NKAIN3: variants seen among roughly 807,000 people sequenced by gnomAD.
The protein encoded by NKAIN3 is sodium/potassium transporting ATPase interacting 3, also known as sodium/potassium-transporting ATPase subunit beta-1-interacting protein 3.
Under a neutral mutation model 30.2 loss-of-function variants are expected in NKAIN3, and 25 were observed. The observed-to-expected ratio is 0.83, with a 90% CI of 0.60 to 1.16. The LOEUF (loss-of-function observed/expected upper bound fraction) is 1.16, where lower values mean the gene tolerates loss of function less well. Ranked by LOEUF, NKAIN3 falls within the 50% of genes most tolerant of loss-of-function variation. NKAIN3 has a pLI of 0.00. For synonymous variants in NKAIN3, 91 were observed against 89.6 expected, an observed-to-expected ratio of 1.02 and a Z score of -0.09; for missense variants, 225 against 254.1, an observed-to-expected ratio of 0.89 and a Z score of 0.78.
intron 4 of NKAIN3, among the ~76,000 whole-genome samples, chr8:62,820,679 G>A (rs1426192889): frequency 6.6e-6 from 1 of 152,126 alleles, no homozygotes; most frequent in African/African-American, 2.4e-5. Context: ...CTTGTAGGCT[G>A]AAAGAGTAAT....
chr8:62,831,080 T>G (rs1819182133), intron 4 of NKAIN3, among the ~76,000 whole-genome samples: 1 of 152,144 alleles, frequency 6.6e-6, no homozygotes, highest in East Asian at 1.9e-4. Context: ...CTTACCCATA[T>G]GCGCCATCAG....
chr8:62,260,974 C>T (rs1055675890), intron 1 of NKAIN3, among the ~76,000 whole-genome samples: 3 of 152,136 alleles, frequency 2.0e-5, no homozygotes, highest in Non-Finnish European at 4.4e-5. Flanking sequence ...AATTGTACAT[C>T]CAGTGACATC....
chr8:62,856,996 A>G, intron 4 of NKAIN3: 1 of 525,958 alleles, frequency 1.9e-6, no homozygotes, highest in Non-Finnish European at 3.7e-6. Flanking sequence ...CTGAATACTT[A>G]TAGTCTCCAC....
At chr8:62,454,125 A>G (rs1340614690) in intron 1 of NKAIN3, among the ~76,000 whole-genome samples, 1 of 151,852 alleles carries the variant, frequency 6.6e-6, no homozygotes, top group African/African-American at 2.4e-5. Context: ...CTTAGCCAAT[A>G]GGTTCCAAAC....
intron 3 of NKAIN3, among the ~76,000 whole-genome samples, chr8:62,670,413 A>G (rs1813263363): frequency 6.6e-6 from 1 of 152,164 alleles, no homozygotes; most frequent in South Asian, 2.1e-4. Context: ...TGAGATATAC[A>G]TTTCTTGACC....
intron 1 of NKAIN3, among the ~76,000 whole-genome samples, chr8:62,329,742 G>T (rs1182484368): frequency 6.6e-6 from 1 of 152,018 alleles, no homozygotes; most frequent in Non-Finnish European, 1.5e-5. Flanking sequence ...GTCCACTGTT[G>T]ATGGACACTT....
At chr8:62,254,619 T>G (rs1209589121) in intron 1 of NKAIN3, among the ~76,000 whole-genome samples, 5 of 100,028 alleles carry the variant, frequency 5.0e-5, no homozygotes, top group Non-Finnish European at 1.1e-4. Flanking sequence ...TATCAAATTA[T>G]ATCTTTTGAT....
chr8:62,275,962 A>G (rs1055512822), intron 1 of NKAIN3, among the ~76,000 whole-genome samples: 3 of 152,098 alleles, frequency 2.0e-5, no homozygotes, highest in African/African-American at 7.2e-5. Flanking sequence ...TTTTTGGTTT[A>G]ATAATACCCA....
chr8:62,784,614 A>G (rs1434992397), intron 4 of NKAIN3, among the ~76,000 whole-genome samples: 1 of 152,114 alleles, frequency 6.6e-6, no homozygotes. Context: ...TAAATAAATT[A>G]GTAACTAAAA....
intron 4 of NKAIN3, chr8:62,857,138 C>G (rs10110510): frequency 5.5e-6 from 2 of 362,258 alleles, no homozygotes; most frequent in Non-Finnish European, 1.1e-5. Flanking sequence ...ACCAGAAATT[C>G]TTTCCTTTAA....
chr8:62,349,651 G>T (rs1430913233), intron 1 of NKAIN3, among the ~76,000 whole-genome samples: 1 of 152,106 alleles, frequency 6.6e-6, no homozygotes, highest in Non-Finnish European at 1.5e-5. Flanking sequence ...CACTAGTCGG[G>T]GTCCATCTGG....
At chr8:62,929,302 G>A (rs1822545057) in intron 5 of NKAIN3, among the ~76,000 whole-genome samples, 1 of 152,174 alleles carries the variant, frequency 6.6e-6, no homozygotes, top group African/African-American at 2.4e-5. Context: ...GAGCAGGAGG[G>A]CTCTGTGAAA....
At chr8:62,459,545 C>T (rs917903481) in intron 1 of NKAIN3, among the ~76,000 whole-genome samples, 3 of 151,922 alleles carry the variant, frequency 2.0e-5, no homozygotes, top group African/African-American at 7.3e-5. Context: ...GTAGAAGAAG[C>T]CAAACAATGA....
intron 1 of NKAIN3, among the ~76,000 whole-genome samples, chr8:62,527,741 A>C (rs1363831865): frequency 6.6e-6 from 1 of 152,180 alleles, no homozygotes; most frequent in Non-Finnish European, 1.5e-5. Context: ...ATTAATCAGA[A>C]GTGTTCATGC....
rs556533674 is a variant in NKAIN3 at position 62,314,153 on chromosome 8, A to C, written c.54+65026A>C. Among the ~76,000 whole-genome samples, 21 of 152,184 alleles carry C rather than the reference A, an allele frequency of 1.4e-4. No homozygotes were observed. The East Asian group carries it at 4.0e-3, about 29-fold the overall frequency. On this transcript the variant is annotated intron_variant, in intron 1 of 6. Transcript: ENST00000623646. ...ATCATATGTTTAGGGAAAATTTTAA[A>C]TATTCCATAATGTAACACAATATTG... is the stretch of plus-strand genomic sequence containing the variant.
At chr8:62,367,057 C>A (rs773326592) in intron 1 of NKAIN3, among the ~76,000 whole-genome samples, 1 of 152,054 alleles carries the variant, frequency 6.6e-6, no homozygotes, top group African/African-American at 2.4e-5. Flanking sequence ...AGAAAAGATA[C>A]TTGATATTAT....
chr8:62,731,260 C>G (rs973740425), intron 3 of NKAIN3, among the ~76,000 whole-genome samples: 2 of 151,862 alleles, frequency 1.3e-5, no homozygotes, highest in African/African-American at 2.4e-5. Context: ...CACACACACA[C>G]ACACACACAC....
intron 3 of NKAIN3, among the ~76,000 whole-genome samples, chr8:62,724,764 CT>C (rs951026588): frequency 2.0e-5 from 3 of 152,030 alleles, no homozygotes; most frequent in Non-Finnish European, 2.9e-5. Flanking sequence ...ACCACATTCC[CT>C]TTATTCATTC....
At chr8:62,898,070 G>A (rs528263934) in intron 4 of NKAIN3, among the ~76,000 whole-genome samples, 1 of 152,216 alleles carries the variant, frequency 6.6e-6, no homozygotes, top group East Asian at 1.9e-4. Context: ...TTTCATCAAA[G>A]CATTTAGCAA....
Sources: allele counts gnomAD v4.1 joint callset (sites outside exome capture counted in the v4.1 genomes callset), GRCh38; gene constraint gnomAD v4.1.1; transcripts MANE v1.5; gene names NCBI Gene and HGNC (gene_info 2026-07-23, HGNC 2026-07-21).